The following APLP2 variants were observed in gnomAD, a reference collection of about 807,000 sequenced individuals.
APLP2 encodes the protein CDEI box-binding protein.
Under a neutral mutation model 89.9 loss-of-function variants are expected in APLP2, and 53 were observed. That is an observed-to-expected ratio of 0.59 (90% CI 0.47 to 0.74). The LOEUF (loss-of-function observed/expected upper bound fraction) is 0.74, where lower values mean the gene tolerates loss of function less well. APLP2 is among the 30% of genes least tolerant of loss of function. The probability of loss-of-function intolerance (pLI) is 0.00; values close to 1 mark genes in which losing one functional copy is unlikely to be tolerated. For missense variants in APLP2, 973 were observed against 975.9 expected (o/e 1.00, Z 0.04); for synonymous variants, 372 against 348.6 (o/e 1.07, Z -0.75).
intron 3 of APLP2, among the ~76,000 whole-genome samples, chr11:130,111,039 G>GT (rs1431163919): frequency 2.0e-5 from 3 of 152,210 alleles, no homozygotes; most frequent in Non-Finnish European, 4.4e-5. Flanking sequence ...TCCCACACAC[G>GT]TTTGCACCAT....
intron 12 of APLP2, among the ~76,000 whole-genome samples, chr11:130,135,044 C>T (rs1445988053): frequency 2.0e-5 from 3 of 151,942 alleles, no homozygotes; most frequent in Admixed American, 6.6e-5. Context: ...TTAAAACTGG[C>T]GTCGGGGAGA....
chr11:130,122,663 T>G, intron 6 of APLP2, 150 bp downstream of exon 6: 1 of 1,388,840 alleles, frequency 7.2e-7, no homozygotes, highest in Non-Finnish European at 9.7e-7. Flanking sequence ...AGTGCAGTGA[T>G]GGGATGGTGC....
intron 1 of APLP2, among the ~76,000 whole-genome samples, chr11:130,078,572 A>G (rs1942553143): frequency 6.6e-6 from 1 of 152,000 alleles, no homozygotes; most frequent in Non-Finnish European, 1.5e-5. Context: ...AGTCTCCTAT[A>G]TTGTCAATGG....
chr11:130,124,840 A>C (rs147827624), intron 7 of APLP2, among the ~76,000 whole-genome samples: 4 of 152,360 alleles, frequency 2.6e-5, no homozygotes, highest in African/African-American at 9.6e-5. Flanking sequence ...CTTGGTGAAT[A>C]AACTTTGCGT....
intron 1 of APLP2, among the ~76,000 whole-genome samples, chr11:130,106,808 C>T (rs1947839482): frequency 6.6e-6 from 1 of 152,172 alleles, no homozygotes; most frequent in African/African-American, 2.4e-5. Flanking sequence ...CCTGCCTCAG[C>T]CCCCTGAGTA....
chr11:130,123,538 G>A lies in APLP2; in HGVS notation c.923-74G>A, dbSNP rs557699633. On this transcript the variant is annotated intron_variant, in intron 6 of 16. Transcript: ENST00000338167. This position sits in a 1 kb window ranked among gnomAD's most constrained non-coding sequence, Gnocchi z 4.0. ...CCTCCCCCAGCCCATCCCCCAGCTC[G>A]CCAGCCTGTAGCATTTTGAAGCATT... 6.1e-3 allele frequency: 9,168 copies of A among 1,492,244 alleles called. 49 individuals carry two copies. Among genetic ancestry groups the A allele is most frequent in the Non-Finnish European group, 7.1e-3 (7,847 of 1,104,216 alleles). 92.4% of individuals were successfully genotyped at this position (1,492,244 alleles called of 1,614,324 possible). A position where few individuals can be genotyped will look rare whatever the true frequency, so the allele number is the denominator to read the frequency against.
At chr11:130,070,127 G>C in intron 1 of APLP2, 45 bp downstream of exon 1, 1 of 1,254,374 alleles carries the variant, frequency 8.0e-7, no homozygotes, top group Non-Finnish European at 1.0e-6. Context: ...TTCGCCCGCC[G>C]GAGGAGCGCG....
intron 1 of APLP2, among the ~76,000 whole-genome samples, chr11:130,090,514 C>CA (rs1443452788): frequency 1.3e-5 from 2 of 151,930 alleles, no homozygotes; most frequent in Non-Finnish European, 2.9e-5. Flanking sequence ...GCACATTTTG[C>CA]ACCGCCCTTA....
chr11:130,070,717 T>C, intron 1 of APLP2: 1 of 1,477,100 alleles, frequency 6.8e-7, no homozygotes, highest in Non-Finnish European at 8.9e-7. Context: ...GCTGTTTGCC[T>C]GCGTCCGTAG....
chr11:130,104,928 A>G (rs576910840), intron 1 of APLP2, among the ~76,000 whole-genome samples: 16 of 152,264 alleles, frequency 1.1e-4, no homozygotes, highest in African/African-American at 2.6e-4. Context: ...CTCTTATACT[A>G]GTAGAAAGCA....
chr11:130,125,142 GTTC>G (rs1950228462), intron 7 of APLP2, among the ~76,000 whole-genome samples: 2 of 152,286 alleles, frequency 1.3e-5, no homozygotes, highest in Middle Eastern at 3.4e-3. Context: ...GAGCGTTTTT[GTTC>G]TTCTTTGAAG....
Position 130,141,375 on chromosome 11 carries a change from TG to T in APLP2, c.1924-118del. On this transcript the variant is annotated intron_variant, in intron 14 of 16. Transcript: ENST00000338167. The surrounding 1 kb of genome is among the most constrained non-coding windows in gnomAD (Gnocchi z 4.2). ...GGCTGTGACAGAACTGGTTGGTTAATGGGGGTCCCACAGGTACCTGCTTCCT... is the reference window on the plus strand; with the variant it reads ...GGCTGTGACAGAACTGGTTGGTTAATGGGGTCCCACAGGTACCTGCTTCCT... 1 of 760,968 alleles carries T rather than the reference TG, an allele frequency of 1.3e-6. No homozygotes were observed. Among genetic ancestry groups the T allele is most frequent in the Non-Finnish European group, 2.3e-6 (1 of 444,248 alleles). 47.1% of individuals were successfully genotyped at this position (760,968 alleles called of 1,614,324 possible). A position where few individuals can be genotyped will look rare whatever the true frequency, so the allele number is the denominator to read the frequency against.
chr11:130,096,389 G>GA (rs1248571270), intron 1 of APLP2, among the ~76,000 whole-genome samples: 2 of 152,162 alleles, frequency 1.3e-5, no homozygotes, highest in Non-Finnish European at 2.9e-5. Flanking sequence ...CTGGATCCTG[G>GA]AGGGCTCCCA....
At chr11:130,083,941 G>A (rs981862956) in intron 1 of APLP2, among the ~76,000 whole-genome samples, 3 of 151,872 alleles carry the variant, frequency 2.0e-5, no homozygotes, top group South Asian at 2.1e-4. Flanking sequence ...TTTCACCAGC[G>A]GCATACAGGA....
At chr11:130,133,388 G>T (rs1951152637) in intron 11 of APLP2, among the ~76,000 whole-genome samples, 1 of 152,152 alleles carries the variant, frequency 6.6e-6, no homozygotes, top group African/African-American at 2.4e-5. Flanking sequence ...CTCCCAAAGT[G>T]CTGGAATTAC....
intron 6 of APLP2, 80 bp downstream of exon 6, chr11:130,122,593 T>C: frequency 6.3e-7 from 1 of 1,577,846 alleles, no homozygotes; most frequent in East Asian, 2.3e-5. Flanking sequence ...CTGTCACAGG[T>C]AAGTCAGTCA....
chr11:130,097,950 C>T (rs747376866), intron 1 of APLP2, among the ~76,000 whole-genome samples: 6 of 152,268 alleles, frequency 3.9e-5, no homozygotes, highest in East Asian at 3.9e-4. Context: ...TGTACCCTTA[C>T]GCGTGGATGT....
At position 130,144,685 on chromosome 11, in the gene APLP2, CT is replaced by C. The variant is rs533049949; in HGVS notation, c.*1240del. 0.011 allele frequency: 1,694 copies of C among 152,556 alleles called. 18 individuals carry two copies. Among genetic ancestry groups the C allele is most frequent in the Non-Finnish European group, 0.016 (1,117 of 68,058 alleles). 9.5% of individuals were successfully genotyped at this position (152,556 alleles called of 1,614,324 possible). On this transcript the variant is annotated 3_prime_UTR_variant, in exon 17 of 17. Coordinates refer to ENST00000338167, the MANE Select transcript of APLP2 (RefSeq NM_001142276.2). Reference sequence around the variant, plus strand: ...TTTTGTTTTTTTCCTTTTTCCTCCCCTTTGACCCTATTCATGTCTCTACCCA... The same window carrying C: ...TTTTGTTTTTTTCCTTTTTCCTCCCCTTGACCCTATTCATGTCTCTACCCA...
chr11:130,139,412 A>C (rs767703922), intron 13 of APLP2: 1 of 152,234 alleles, frequency 6.6e-6, no homozygotes, highest in African/African-American at 2.4e-5. Flanking sequence ...AGAATGCCAG[A>C]TACGCTGTCG....
Sources: allele counts gnomAD v4.1 joint callset (sites outside exome capture counted in the v4.1 genomes callset), GRCh38; gene constraint gnomAD v4.1.1; non-coding constraint Gnocchi (gnomAD v3.1); transcripts MANE v1.5; gene names NCBI Gene and HGNC (gene_info 2026-07-23, HGNC 2026-07-21).